The following CRTAC1 variants were observed in gnomAD, a reference collection of about 807,000 sequenced individuals.
The protein encoded by CRTAC1 is cartilage acidic protein 1, also known as acidic secreted protein in cartilage.
A neutral mutation model predicts 67.8 loss-of-function variants in CRTAC1; 37 were observed. That is an observed-to-expected ratio of 0.55 (90% confidence interval 0.42 to 0.72). The LOEUF is 0.72. Among genes scored for constraint, CRTAC1 ranks in the 30% least tolerant of loss-of-function variants. The pLI is 0.00. For missense variants in CRTAC1, 780 were observed against 931.6 expected (o/e 0.84, Z 2.12); for synonymous variants, 348 against 371.0 (o/e 0.94, Z 0.71).
intron 3 of CRTAC1, among the ~76,000 whole-genome samples, chr10:97,924,803 C>G (rs941770827): frequency 1.3e-5 from 2 of 152,194 alleles, no homozygotes; most frequent in African/African-American, 2.4e-5. Flanking sequence ...CAGCCCTGCA[C>G]TGCAGGGGTT....
intron 2 of CRTAC1, among the ~76,000 whole-genome samples, chr10:97,970,924 A>C (rs2051700707): frequency 6.6e-6 from 1 of 152,258 alleles, no homozygotes. Flanking sequence ...GAAAATGATC[A>C]GAGTACATAA....
chr10:97,914,410 C>T (rs2050730380), intron 5 of CRTAC1, among the ~76,000 whole-genome samples: 1 of 152,216 alleles, frequency 6.6e-6, no homozygotes, highest in South Asian at 2.1e-4. Context: ...GCCCGTGTGC[C>T]AGGCCATGTG....
intron 1 of CRTAC1, among the ~76,000 whole-genome samples, chr10:98,028,031 C>T (rs1843275311): frequency 6.6e-6 from 1 of 152,192 alleles, no homozygotes; most frequent in Non-Finnish European, 1.5e-5. Context: ...CTCTCCAAGG[C>T]TCCTTGCTTC....
intron 1 of CRTAC1, among the ~76,000 whole-genome samples, chr10:98,027,750 A>G (rs2136712462): frequency 6.6e-6 from 1 of 152,308 alleles, no homozygotes; most frequent in Admixed American, 6.5e-5. Context: ...AATCTCCCCA[A>G]CTGTATGGGA....
At chr10:97,977,719 T>C (rs1309415419) in intron 2 of CRTAC1, among the ~76,000 whole-genome samples, 1 of 152,186 alleles carries the variant, frequency 6.6e-6, no homozygotes, top group Non-Finnish European at 1.5e-5. Flanking sequence ...CTGAGAAATG[T>C]TGGCTTTATG....
intron 14 of CRTAC1, among the ~76,000 whole-genome samples, chr10:97,871,800 T>C (rs1158182278): frequency 2.0e-5 from 3 of 152,200 alleles, no homozygotes; most frequent in Non-Finnish European, 4.4e-5. Context: ...CTCATAAAGA[T>C]AGAAGACAGA....
intron 13 of CRTAC1, among the ~76,000 whole-genome samples, chr10:97,881,247 T>C (rs1424366759): frequency 6.6e-6 from 1 of 152,214 alleles, no homozygotes; most frequent in South Asian, 2.1e-4. Flanking sequence ...CTCCAGGCCA[T>C]ACTGGCATCC....
chr10:97,970,177 A>G (rs1006053879), intron 2 of CRTAC1, among the ~76,000 whole-genome samples: 3 of 152,020 alleles, frequency 2.0e-5, no homozygotes, highest in Admixed American at 1.3e-4. Flanking sequence ...TGTCGGCTCT[A>G]CCTTACAATA....
chr10:97,969,159 C>A (rs892944454), intron 2 of CRTAC1, among the ~76,000 whole-genome samples: 1 of 152,154 alleles, frequency 6.6e-6, no homozygotes, highest in African/African-American at 2.4e-5. Flanking sequence ...TTGATAGGCA[C>A]CTTTTTTGGC....
intron 2 of CRTAC1, among the ~76,000 whole-genome samples, chr10:97,950,513 A>T (rs1029656199): frequency 1.3e-5 from 2 of 152,204 alleles, no homozygotes; most frequent in South Asian, 4.1e-4. Flanking sequence ...GATGTGCAGG[A>T]GACTGCTGTA....
At chr10:98,000,777 G>C (rs1564930144) in intron 2 of CRTAC1, among the ~76,000 whole-genome samples, 2 of 152,204 alleles carry the variant, frequency 1.3e-5, no homozygotes. Flanking sequence ...GAAAGGAAGA[G>C]AGAAAATCAT....
chr10:97,920,678 C>T (rs2050823856), intron 4 of CRTAC1, among the ~76,000 whole-genome samples: 1 of 152,216 alleles, frequency 6.6e-6, no homozygotes, highest in Non-Finnish European at 1.5e-5. Flanking sequence ...TAGTCTAGGG[C>T]CTGCCCCTAA....
At chr10:98,005,100 A>ATATATTTTTTTTTTTTTTTTTT in intron 2 of CRTAC1, among the ~76,000 whole-genome samples, 1 of 48,884 alleles carries the variant, frequency 2.0e-5, no homozygotes, top group Non-Finnish European at 3.5e-5. Context: ...ATATATATAT[A>ATATATTTTTTTTTTTTTTTTTT]TTTTTTTTTT....
rs565205393 is a variant in CRTAC1, at chr10:97,890,300, G to C, written c.1486+4945C>G. On this transcript the variant is annotated intron_variant, in intron 11 of 14. Coordinates refer to ENST00000370597, the MANE Select transcript of CRTAC1 (RefSeq NM_018058.7). ...CCGGGCTAATTTTTGTAGAAAGGGG[G>C]GTCTCGCCATGTTGCCTAGGCTGGT... Among the ~76,000 whole-genome samples, 6 of 152,186 alleles carry C rather than the reference G, an allele frequency of 3.9e-5. No individual in the cohort carries two copies. The South Asian group carries it at 1.0e-3, about 26-fold the overall frequency.
In CRTAC1 at chr10:97,975,239, G is replaced by C. The variant is rs983085737; in HGVS notation, c.224+35899C>G. Among the ~76,000 whole-genome samples the C allele has an allele frequency of 6.6e-6, 1 of 152,180 alleles. No homozygotes were observed. Among genetic ancestry groups the C allele is most frequent in the Non-Finnish European group, 1.5e-5 (1 of 68,014 alleles). On this transcript the variant is annotated intron_variant, in intron 2 of 14. Transcript: ENST00000370597. This position sits in a 1 kb window ranked among gnomAD's most constrained non-coding sequence, Gnocchi z 4.8. ...CAAAATGCTCTTGGCTCAATCCCAG[G>C]TCGCAGAGGGACCCGGGGCCCGGCT...
intron 14 of CRTAC1, among the ~76,000 whole-genome samples, chr10:97,879,440 G>A (rs1161423861): frequency 6.6e-6 from 1 of 152,166 alleles, no homozygotes; most frequent in Non-Finnish European, 1.5e-5. Flanking sequence ...ACTGGATGGG[G>A]TATTGGAGAC....
Position 97,895,144 on chromosome 10 carries a change from C to T in CRTAC1, c.1486+101G>A, listed in dbSNP as rs907942687. ...TAGCTGGTGTCCACCATGGCTGTCACAGTAGAGCGGAGCGGTGCCCAAGGA... is the reference window on the plus strand; with the variant it reads ...TAGCTGGTGTCCACCATGGCTGTCATAGTAGAGCGGAGCGGTGCCCAAGGA... On this transcript the variant is annotated intron_variant, in intron 11 of 14. Transcript: ENST00000370597. The surrounding 1 kb of genome is among the most constrained non-coding windows in gnomAD (Gnocchi z 4.2). 10 of 1,197,146 alleles carry T rather than the reference C, an allele frequency of 8.4e-6. No homozygotes were observed. In the African/African-American group the frequency reaches 9.1e-5, roughly 11 times the overall value. The allele number at this position is 1,197,146 out of a possible 1,614,324, so 74.2% of individuals were successfully genotyped here.
intron 2 of CRTAC1, among the ~76,000 whole-genome samples, chr10:98,005,578 G>GTGCATATGTGAATGTT (rs1842774840): frequency 6.6e-6 from 1 of 151,304 alleles, no homozygotes; most frequent in African/African-American, 2.4e-5. Context: ...ATGTGAATGT[G>GTGCATATGTGAATGTT]TGCATATATA....
At chr10:97,950,240 C>CAGAGAGAGAG (rs1336847727) in intron 2 of CRTAC1, among the ~76,000 whole-genome samples, 2 of 104,124 alleles carry the variant, frequency 1.9e-5, no homozygotes, top group African/African-American at 7.3e-5. Context: ...CGTGCACACA[C>CAGAGAGAGAG]ACACACAGAG....
Sources: gnomAD v4.1 joint callset for allele counts (sites outside exome capture counted in the v4.1 genomes callset) on GRCh38, gnomAD v4.1.1 for gene constraint, Gnocchi (gnomAD v3.1) non-coding constraint, MANE v1.5 for transcripts, NCBI Gene and HGNC (gene_info 2026-07-23, HGNC 2026-07-21) for gene names.